The following DOCK4 variants were observed in gnomAD, a reference collection of about 807,000 sequenced individuals.
The protein encoded by DOCK4 is dedicator of cytokinesis 4.
In DOCK4, 97 loss-of-function variants were observed where a neutral mutation model predicts 268.1. The observed-to-expected ratio is 0.36, with a 90% CI of 0.31 to 0.43. The LOEUF is 0.43. Among genes scored for constraint, DOCK4 ranks in the 20% least tolerant of loss-of-function variants. The pLI, the probability that DOCK4 is intolerant of heterozygous loss-of-function variation, is 1.00. For synonymous variants in DOCK4, 954 were observed against 887.2 expected (o/e 1.08, Z -1.34); for missense variants, 2,145 against 2,455.7 (o/e 0.87, Z 2.67).
At chr7:111,787,580 T>C (rs1026604869) in intron 32 of DOCK4, among the ~76,000 whole-genome samples, 5 of 152,198 alleles carry the variant, frequency 3.3e-5, no homozygotes, top group Admixed American at 3.3e-4. Context: ...AGCTTCAAGA[T>C]AATTTTTAAT....
chr7:111,975,153 G>C (rs762242292), intron 8 of DOCK4, among the ~76,000 whole-genome samples: 4 of 152,162 alleles, frequency 2.6e-5, no homozygotes, highest in Non-Finnish European at 5.9e-5. Flanking sequence ...TGTAATCCCA[G>C]CTAATTGGGA....
chr7:112,167,073 C>A (rs141587000), intron 1 of DOCK4, among the ~76,000 whole-genome samples: 217 of 152,296 alleles, frequency 1.4e-3, no homozygotes, highest in Non-Finnish European at 2.4e-3. Context: ...CAGTTCTCAA[C>A]TACAAAAGAA....
At chr7:112,071,398 C>A (rs1471527718) in intron 1 of DOCK4, among the ~76,000 whole-genome samples, 1 of 152,002 alleles carries the variant, frequency 6.6e-6, no homozygotes. Context: ...GTTGGAAGAC[C>A]CAATCAATAC....
At chr7:111,996,366 T>C (rs1311187594) in intron 4 of DOCK4, among the ~76,000 whole-genome samples, 4 of 152,076 alleles carry the variant, frequency 2.6e-5, no homozygotes, top group East Asian at 1.9e-4. Context: ...AGTGTTCAAA[T>C]AGTCTGTCGT....
chr7:111,904,430 T>C (rs1418528282), intron 13 of DOCK4, among the ~76,000 whole-genome samples: 1 of 152,044 alleles, frequency 6.6e-6, no homozygotes, highest in African/African-American at 2.4e-5. Flanking sequence ...ATACAGAGTA[T>C]TGAATGGGGA....
intron 1 of DOCK4, among the ~76,000 whole-genome samples, chr7:112,130,533 G>A (rs1586885576): frequency 6.6e-6 from 1 of 152,176 alleles, no homozygotes; most frequent in Non-Finnish European, 1.5e-5. Flanking sequence ...AAGCAAAGCA[G>A]GGATTCTATG....
chr7:111,780,597 C>T (rs1798730367), intron 35 of DOCK4, among the ~76,000 whole-genome samples: 1 of 152,120 alleles, frequency 6.6e-6, no homozygotes, highest in African/African-American at 2.4e-5. Flanking sequence ...GTGTGTGACA[C>T]AAAGAACAAA....
intron 1 of DOCK4, among the ~76,000 whole-genome samples, chr7:112,116,276 G>T (rs10270217): frequency 0.011 from 1,693 of 152,110 alleles, 31 homozygotes; most frequent in African/African-American, 0.039. Context: ...GTGACCCTTT[G>T]TGTCTGGCTT....
intron 30 of DOCK4, among the ~76,000 whole-genome samples, chr7:111,800,345 A>T: frequency 6.6e-6 from 1 of 152,210 alleles, no homozygotes; most frequent in East Asian, 1.9e-4. Context: ...AAATTGTCAA[A>T]TTAATGCTAA....
At chr7:112,049,815 T>C (rs1032358217) in intron 1 of DOCK4, among the ~76,000 whole-genome samples, 2 of 152,208 alleles carry the variant, frequency 1.3e-5, no homozygotes, top group African/African-American at 4.8e-5. Context: ...TAAATATTTA[T>C]GTACCTAAAA....
intron 40 of DOCK4, among the ~76,000 whole-genome samples, chr7:111,759,319 A>T (rs1797234186): frequency 6.6e-6 from 1 of 152,234 alleles, no homozygotes; most frequent in Non-Finnish European, 1.5e-5. Context: ...CACATCTGTG[A>T]TAACTGCTGT....
chr7:111,996,843 C>A (rs879517751), intron 4 of DOCK4, among the ~76,000 whole-genome samples: 2 of 152,180 alleles, frequency 1.3e-5, no homozygotes, highest in Non-Finnish European at 2.9e-5. Flanking sequence ...ATATCCTACC[C>A]CAACTCACTT....
intron 11 of DOCK4, among the ~76,000 whole-genome samples, chr7:111,937,774 G>A (rs1794862564): frequency 1.3e-5 from 2 of 152,184 alleles, no homozygotes; most frequent in Non-Finnish European, 2.9e-5. Context: ...CTCAGATGCT[G>A]GAGCAAGACA....
At chr7:111,848,856 C>T (rs895837927) in intron 23 of DOCK4, among the ~76,000 whole-genome samples, 2 of 152,202 alleles carry the variant, frequency 1.3e-5, no homozygotes, top group African/African-American at 4.8e-5. Flanking sequence ...CCTTCCACCA[C>T]CTCTTAGATG....
chr7:112,001,811 G>T (rs955735058), intron 2 of DOCK4, among the ~76,000 whole-genome samples: 1 of 152,184 alleles, frequency 6.6e-6, no homozygotes, highest in Non-Finnish European at 1.5e-5. Context: ...TACCATCCAA[G>T]GTTGCAGGTA....
At chr7:112,074,838 G>A (rs930314823) in intron 1 of DOCK4, among the ~76,000 whole-genome samples, 1 of 152,158 alleles carries the variant, frequency 6.6e-6, no homozygotes, top group Non-Finnish European at 1.5e-5. Flanking sequence ...TCTGAAGTCA[G>A]CTACAGCAGC....
At chr7:111,771,525 T>C (rs1364595428) in intron 36 of DOCK4, among the ~76,000 whole-genome samples, 1 of 152,114 alleles carries the variant, frequency 6.6e-6, no homozygotes, top group African/African-American at 2.4e-5. Context: ...GACACAGAGC[T>C]GAATCACCAT....
chr7:112,137,056 T>C (rs1241470163), intron 1 of DOCK4, among the ~76,000 whole-genome samples: 1 of 151,970 alleles, frequency 6.6e-6, no homozygotes, highest in Non-Finnish European at 1.5e-5. Context: ...ACGTTTAGAA[T>C]GCCAAAAGAG....
intron 6 of DOCK4, among the ~76,000 whole-genome samples, chr7:111,986,950 C>T (rs746631316): frequency 1.3e-4 from 20 of 152,188 alleles, no homozygotes; most frequent in Admixed American, 5.2e-4. Context: ...ACAATTTCAT[C>T]TGGTTTAATA....
Sources: allele counts gnomAD v4.1 joint callset (sites outside exome capture counted in the v4.1 genomes callset), GRCh38; gene constraint gnomAD v4.1.1; transcripts MANE v1.5; gene names NCBI Gene and HGNC (gene_info 2026-07-23, HGNC 2026-07-21).